SLC2A13: variants seen among roughly 807,000 people sequenced by gnomAD.
SLC2A13 encodes the protein solute carrier family 2 member 13, also known as proton myo-inositol cotransporter.
In SLC2A13, 32 loss-of-function variants were observed where a neutral mutation model predicts 64.4. That is an observed-to-expected ratio of 0.50 (90% CI 0.37 to 0.67). SLC2A13 has a LOEUF of 0.67. Among genes scored for constraint, SLC2A13 ranks in the 30% least tolerant of loss-of-function variants. The pLI, the probability that SLC2A13 is intolerant of heterozygous loss-of-function variation, is 0.00. For missense variants in SLC2A13, 743 were observed against 829.2 expected, an observed-to-expected ratio of 0.90 and a Z score of 1.28; for synonymous variants, 338 against 327.1, an observed-to-expected ratio of 1.03 and a Z score of -0.36.
intron 4 of SLC2A13, among the ~76,000 whole-genome samples, chr12:39,878,776 T>G (rs1203899451): frequency 6.6e-6 from 1 of 152,218 alleles, no homozygotes; most frequent in Non-Finnish European, 1.5e-5. Context: ...TCAAGCATGC[T>G]GTGGAGCAAC....
At chr12:39,905,851 T>TAA (rs1042642266) in intron 4 of SLC2A13, among the ~76,000 whole-genome samples, 1 of 151,088 alleles carries the variant, frequency 6.6e-6, no homozygotes, top group Non-Finnish European at 1.5e-5. Context: ...CTTCTATGGA[T>TAA]AACTTATTCT....
At chr12:40,070,721 T>C (rs939212237) in intron 1 of SLC2A13, among the ~76,000 whole-genome samples, 2 of 152,152 alleles carry the variant, frequency 1.3e-5, no homozygotes, top group African/African-American at 4.8e-5. Flanking sequence ...TCAATCTCTA[T>C]TCAAAATGCT....
chr12:39,900,203 A>G (rs1194679071), intron 4 of SLC2A13, among the ~76,000 whole-genome samples: 1 of 152,072 alleles, frequency 6.6e-6, no homozygotes, highest in Non-Finnish European at 1.5e-5. Context: ...AAATAATAAG[A>G]GCTATCTATG....
At chr12:39,839,650 GCATCTT>G (rs1943127497) in intron 6 of SLC2A13, among the ~76,000 whole-genome samples, 1 of 151,890 alleles carries the variant, frequency 6.6e-6, no homozygotes, top group South Asian at 2.1e-4. Flanking sequence ...TCAGATAGTG[GCATCTT>G]CATCTTTTCT....
At chr12:39,847,620 G>C (rs1052810244) in intron 6 of SLC2A13, among the ~76,000 whole-genome samples, 1 of 151,962 alleles carries the variant, frequency 6.6e-6, no homozygotes, top group African/African-American at 2.4e-5. Context: ...ACAGTAAAAG[G>C]ATAGGAGCCT....
In SLC2A13 at chr12:39,968,760, GTATATATATATATATATATA is replaced by G. The variant is rs56838055; in HGVS notation, c.926-17415_926-17396del. 5.2e-4 allele frequency among the ~76,000 whole-genome samples: 31 copies of G among 59,842 alleles called. 1 individual carries two copies. The highest frequency in any genetic ancestry group is 2.5e-3 in the Admixed American group (13 of 5,100). 39.3% of individuals were successfully genotyped at this position (59,842 alleles called of 152,430 possible). A position where few individuals can be genotyped will look rare whatever the true frequency, so the allele number is the denominator to read the frequency against. ...TTTTTATTTTTGTTGTTTTTTTTTG[GTATATATATATATATATATA>G]TATATATATATATATATATATATAT... On this transcript the variant is annotated intron_variant, in intron 3 of 9. Coordinates refer to ENST00000280871, the MANE Select transcript of SLC2A13 (RefSeq NM_052885.4).
intron 4 of SLC2A13, among the ~76,000 whole-genome samples, chr12:39,875,527 A>C (rs1240047715): frequency 2.6e-5 from 4 of 152,200 alleles, no homozygotes; most frequent in Non-Finnish European, 5.9e-5. Flanking sequence ...GGATGTTTGT[A>C]TGTCCTTGGG....
At chr12:39,877,807 C>A (rs987775394) in intron 4 of SLC2A13, among the ~76,000 whole-genome samples, 1 of 152,142 alleles carries the variant, frequency 6.6e-6, no homozygotes, top group Non-Finnish European at 1.5e-5. Context: ...AAAAATACAT[C>A]ATATTTTCCA....
At chr12:39,952,784 A>G (rs1225920645) in intron 3 of SLC2A13, among the ~76,000 whole-genome samples, 1 of 152,154 alleles carries the variant, frequency 6.6e-6, no homozygotes, top group Non-Finnish European at 1.5e-5. Context: ...AGCCTAATAT[A>G]TCAGAAAGAC....
intron 2 of SLC2A13, among the ~76,000 whole-genome samples, chr12:40,032,772 G>A (rs1286891090): frequency 6.6e-6 from 1 of 152,164 alleles, no homozygotes; most frequent in Non-Finnish European, 1.5e-5. Flanking sequence ...TCTCACCTAT[G>A]TAACTAACGA....
chr12:39,851,049 G>A (rs750354232), intron 6 of SLC2A13, among the ~76,000 whole-genome samples: 51 of 151,838 alleles, frequency 3.4e-4, no homozygotes, highest in Non-Finnish European at 5.0e-4. Flanking sequence ...ACAGGTGTGC[G>A]CCACCACATC....
intron 7 of SLC2A13, among the ~76,000 whole-genome samples, chr12:39,772,404 G>A (rs889941922): frequency 5.3e-4 from 81 of 152,042 alleles, no homozygotes; most frequent in African/African-American, 1.3e-3. Flanking sequence ...AATAATCACC[G>A]TGCTATTTTT....
intron 3 of SLC2A13, among the ~76,000 whole-genome samples, chr12:40,022,158 C>A (rs562292368): frequency 3.7e-4 from 56 of 152,296 alleles, no homozygotes; most frequent in South Asian, 6.2e-4. Context: ...TGAATAAGTT[C>A]TCTTCCCTAC....
chr12:39,851,055 A>G (rs1318686688), intron 6 of SLC2A13, among the ~76,000 whole-genome samples: 1 of 151,926 alleles, frequency 6.6e-6, no homozygotes, highest in African/African-American at 2.4e-5. Flanking sequence ...GTGCGCCACC[A>G]CATCCAGCTA....
At chr12:39,978,248 C>CCCCCAAA (rs1946801496) in intron 3 of SLC2A13, among the ~76,000 whole-genome samples, 1 of 152,220 alleles carries the variant, frequency 6.6e-6, no homozygotes, top group Non-Finnish European at 1.5e-5. Flanking sequence ...TGGAAGAACT[C>CCCCCAAA]TTAATTGGTG....
intron 6 of SLC2A13, among the ~76,000 whole-genome samples, chr12:39,860,605 C>T (rs560973132): frequency 5.8e-4 from 88 of 152,340 alleles, no homozygotes; most frequent in Non-Finnish European, 1.2e-3. Flanking sequence ...CATGGTCTTA[C>T]ATCTTCCAAT....
chr12:39,862,533 T>G (rs999763184), intron 6 of SLC2A13, among the ~76,000 whole-genome samples: 4 of 152,238 alleles, frequency 2.6e-5, no homozygotes, highest in Non-Finnish European at 5.9e-5. Flanking sequence ...GTTACTAAGA[T>G]ATTAAACTAC....
At chr12:40,064,770 C>T (rs1195012922) in intron 1 of SLC2A13, among the ~76,000 whole-genome samples, 1 of 152,080 alleles carries the variant, frequency 6.6e-6, no homozygotes, top group East Asian at 1.9e-4. Flanking sequence ...TGAGAAGCAA[C>T]AGCAAAAATC....
chr12:39,897,084 T>C (rs1392929756), intron 4 of SLC2A13, among the ~76,000 whole-genome samples: 2 of 152,198 alleles, frequency 1.3e-5, no homozygotes, highest in Non-Finnish European at 2.9e-5. Flanking sequence ...TTGATGGTTA[T>C]TTCTAGTTGA....
Sources: allele counts gnomAD v4.1 joint callset (sites outside exome capture counted in the v4.1 genomes callset), GRCh38; gene constraint gnomAD v4.1.1; transcripts MANE v1.5; gene names NCBI Gene and HGNC (gene_info 2026-07-23, HGNC 2026-07-21).